The following CDT1 variants were observed in gnomAD, a reference collection of about 807,000 sequenced individuals.
CDT1 encodes the protein DNA replication factor Cdt1.
Under a neutral mutation model 49.3 loss-of-function variants are expected in CDT1, and 66 were observed. The observed-to-expected ratio is 1.34, with a 90% CI of 1.10 to 1.64. The LOEUF is 1.64. Ranked by LOEUF, CDT1 falls within the 40% of genes most tolerant of loss-of-function variation. The pLI is 0.00. For missense variants in CDT1, 958 were observed against 807.7 expected (o/e 1.19, Z -2.26); for synonymous variants, 424 against 347.4 (o/e 1.22, Z -2.45).
chr16:88,804,698 AG>A, intron 2 of CDT1, 31 bp downstream of exon 2: 12 of 1,612,072 alleles, frequency 7.4e-6, no homozygotes, highest in Non-Finnish European at 9.3e-6. Flanking sequence ...CAGATGCGGG[AG>A]GGCTGAGTGG....
chr16:88,804,700 G>A (rs746196662), intron 2 of CDT1, 33 bp downstream of exon 2: 2 of 1,612,328 alleles, frequency 1.2e-6, no homozygotes, highest in South Asian at 1.1e-5. Flanking sequence ...GATGCGGGAG[G>A]GCTGAGTGGT....
Position 88,803,806 on chromosome 16 carries a change from T to A in CDT1, c.-26T>A. On this transcript the variant is annotated 5_prime_UTR_variant, in exon 1 of 10. The change creates a new upstream start codon in the 5' untranslated region. Coordinates refer to ENST00000301019, the MANE Select transcript of CDT1 (RefSeq NM_030928.4). ...GCCTCTTCCTCCCTTCCTTCTTTCC[T>A]TGCTTTCGCCGCGCACTCCGCCGCC... is the stretch of plus-strand genomic sequence containing the variant. The A allele has an allele frequency of 6.7e-7, 1 of 1,499,722 alleles. No individual in the cohort carries two copies. Among genetic ancestry groups the A allele is most frequent in the Admixed American group, 1.8e-5 (1 of 54,454 alleles). 92.9% of individuals were successfully genotyped at this position (1,499,722 alleles called of 1,614,324 possible).
In CDT1 at chr16:88,808,538, G is replaced by A. The variant is rs558937894; in HGVS notation, c.*260G>A. 35 of 543,030 alleles carry A rather than the reference G, an allele frequency of 6.4e-5. No homozygotes were observed. Among genetic ancestry groups the A allele is most frequent in the African/African-American group, 5.5e-4 (29 of 52,700 alleles). The allele number at this position is 543,030 out of a possible 1,614,324, so 33.6% of individuals were successfully genotyped here. On this transcript the variant is annotated 3_prime_UTR_variant, in exon 10 of 10. Transcript: ENST00000301019. ...TCTGTCCTTGCTGCTGGTGGGGAAGGGAAGCCAGATCCAGCACCCCCTGGG... is the reference window on the plus strand; with the variant it reads ...TCTGTCCTTGCTGCTGGTGGGGAAGAGAAGCCAGATCCAGCACCCCCTGGG...
In CDT1 at chr16:88,809,090, C is replaced by T. The variant is rs537035674; in HGVS notation, c.*812C>T. On this transcript the variant is annotated 3_prime_UTR_variant, in exon 10 of 10. Coordinates refer to ENST00000301019, the MANE Select transcript of CDT1 (RefSeq NM_030928.4). ...AGGGCCTTCATGACAGGGCCAGAGC[C>T]AGCCAGCTTTGAAGACGCGGCCCTG... 7 of 242,120 alleles carry T rather than the reference C, an allele frequency of 2.9e-5. No individual in the cohort carries two copies. The highest frequency in any genetic ancestry group is 1.1e-4 in the African/African-American group (5 of 44,056). 15.0% of individuals were successfully genotyped at this position (242,120 alleles called of 1,614,324 possible).
In CDT1 at chr16:88,808,302, C is replaced by A. The variant is rs775620005; in HGVS notation, c.*24C>A. ...GAGCCTGGGGGCCACTGTGGACAGA[C>A]GTGGGCTTCAGAAGCTCGCTGGCCT... On this transcript the variant is annotated 3_prime_UTR_variant, in exon 10 of 10. Coordinates refer to ENST00000301019, the MANE Select transcript of CDT1 (RefSeq NM_030928.4). 1 of 1,562,462 alleles carries A rather than the reference C, an allele frequency of 6.4e-7. No homozygotes were observed. Among genetic ancestry groups the A allele is most frequent in the South Asian group, 1.2e-5 (1 of 86,046 alleles).
chr16:88,808,306 G>T lies in CDT1; in HGVS notation c.*28G>T. 1 of 1,557,808 alleles carries T rather than the reference G, an allele frequency of 6.4e-7. No individual in the cohort carries two copies. On this transcript the variant is annotated 3_prime_UTR_variant, in exon 10 of 10. Coordinates refer to ENST00000301019, the MANE Select transcript of CDT1 (RefSeq NM_030928.4). ...CTGGGGGCCACTGTGGACAGACGTG[G>T]GCTTCAGAAGCTCGCTGGCCTGGGC...
chr16:88,807,334 G>A lies in CDT1; in HGVS notation c.1329G>A (p.Glu443=), dbSNP rs370544770. The change falls in exon 9 of 10, where the codon GAG becomes GAA. Residue 443 remains glutamate (E), a synonymous_variant. Transcript: ENST00000301019. ...TGGCACAGATGACGCGGTGCCCGGA[G>A]CAGGAGCAGCGGCTGCAGCGCTTAG... ...KQLAQMTRCP[E]QEQRLQRLER... The A allele has an allele frequency of 6.2e-7, 1 of 1,612,546 alleles. No homozygotes were observed. The highest frequency in any genetic ancestry group is 1.7e-5 in the Admixed American group (1 of 59,996).
In CDT1 at chr16:88,808,306, GGC is replaced by G. The variant is rs1567503272; in HGVS notation, c.*29_*30del. On this transcript the variant is annotated 3_prime_UTR_variant, in exon 10 of 10. Transcript: ENST00000301019. ...CTGGGGGCCACTGTGGACAGACGTG[GGC>G]TTCAGAAGCTCGCTGGCCTGGGCCC... is the stretch of plus-strand genomic sequence containing the variant. 8.3e-6 allele frequency: 13 copies of G among 1,557,808 alleles called. No individual in the cohort carries two copies. Among genetic ancestry groups the G allele is most frequent in the Non-Finnish European group, 1.1e-5 (13 of 1,150,174 alleles).
Position 88,806,108 on chromosome 16 carries a change from A to G in CDT1, c.920A>G (p.Lys307Arg). The G allele has an allele frequency of 6.3e-7, 1 of 1,598,896 alleles. No homozygotes were observed. The highest frequency in any genetic ancestry group is 8.5e-7 in the Non-Finnish European group (1 of 1,177,254). The stretch of plus-strand genomic sequence containing the variant: ...AGCCAGAAGCTGGTGGAGCATGTCA[A>G]GGAGCACCACAAGGTGAGCGGCCCC... ...IFSQKLVEHV[K>R]EHHKAFLASL... The change falls in exon 6 of 10, where the codon AAG (lysine) becomes AGG (arginine). Residue 307 changes from lysine to arginine, a missense_variant. Lys to Arg is a conservative substitution (Grantham distance 26, BLOSUM62 2). Coordinates refer to ENST00000301019, the MANE Select transcript of CDT1 (RefSeq NM_030928.4).
At position 88,804,859 on chromosome 16, in the gene CDT1, C is replaced by T; in HGVS notation, c.449C>T (p.Ser150Phe). 1 of 1,608,182 alleles carries T rather than the reference C, an allele frequency of 6.2e-7. No homozygotes were observed. The highest frequency in any genetic ancestry group is 1.1e-5 in the South Asian group (1 of 90,588). Residue 150 changes from serine (S) to phenylalanine (F), a missense_variant, in exon 3 of 10, where the codon TCC becomes TTC. Transcript: ENST00000301019. The part of the protein sequence containing the change: ...LKASAQDAGE[S>F]CTPEAEGRPE... ...GCCAGTGCCCAGGATGCTGGGGAGT[C>T]CTGCACCCCAGAGGCCGAGGGCCGC... is the stretch of plus-strand genomic sequence containing the variant.
intron 9 of CDT1, 32 bp from the exon 10 acceptor site, chr16:88,808,083 A>G (rs1350451518): frequency 3.7e-6 from 6 of 1,607,760 alleles, no homozygotes; most frequent in Non-Finnish European, 5.1e-6. Flanking sequence ...GGGGCCCAGC[A>G]CCAGCCTCAG....
At position 88,807,203 on chromosome 16, in the gene CDT1, G is replaced by A. The variant is rs753556386; in HGVS notation, c.1275G>A (p.Arg425=). ...GGGTGTCCCAGGATCTGCTGGAGCG[G>A]GTGAGTCGTCCCCAGTGATGGCGGG... The part of the protein sequence containing the change: ...LKGVSQDLLE[R]IRAKEAQKQL... The change falls in exon 8 of 10, where the codon CGG becomes CGA. Residue 425 remains arginine (R), a splice_region_variant and synonymous_variant. Transcript: ENST00000301019. 1.2e-6 allele frequency: 2 copies of A among 1,612,346 alleles called. No homozygotes were observed. Among genetic ancestry groups the A allele is most frequent in the Non-Finnish European group, 8.5e-7 (1 of 1,179,794 alleles).
chr16:88,804,992 C>T, intron 3 of CDT1, 94 bp downstream of exon 3: 1 of 1,474,542 alleles, frequency 6.8e-7, no homozygotes, highest in Non-Finnish European at 9.0e-7. Context: ...AGGTCTGCTC[C>T]TTCCAGGGAG....
Position 88,808,257 on chromosome 16 carries a change from AC to A in CDT1, c.1621del (p.Arg541ValfsTer45). ...TCACTGCACGCCTGGCCCACCAGAC[AC>A]GTGCTGAGGAGGGGCTGTGAGCCTG... ...HITARLAHQT[R>X]AEEGL is the part of the protein sequence containing the mutation. On this transcript the variant is annotated frameshift_variant, in exon 10 of 10. Transcript: ENST00000301019. LOFTEE classifies it high-confidence loss of function. 8 of 1,597,352 alleles carry A rather than the reference AC, an allele frequency of 5.0e-6. No homozygotes were observed. Among genetic ancestry groups the A allele is most frequent in the Non-Finnish European group, 6.8e-6 (8 of 1,172,586 alleles).
chr16:88,806,997 C>T (rs575796924), intron 7 of CDT1, 54 bp from the exon 8 acceptor site: 16 of 1,609,714 alleles, frequency 9.9e-6, no homozygotes, highest in Non-Finnish European at 1.4e-5. Flanking sequence ...GGGCAGACAG[C>T]CAGGGGCACG....
At chr16:88,806,387 G>C (rs1019074397) in intron 6 of CDT1, 99 bp from the exon 7 acceptor site, 1 of 1,411,358 alleles carries the variant, frequency 7.1e-7, no homozygotes. Context: ...TGACTTGCCC[G>C]AGGCGGCCCG....
chr16:88,806,947 G>A, intron 7 of CDT1, 104 bp from the exon 8 acceptor site: 1 of 1,441,352 alleles, frequency 6.9e-7, no homozygotes, highest in South Asian at 1.1e-5. Flanking sequence ...CACCCAGTGT[G>A]CTGGGTGAAC....
chr16:88,809,236 TAA>T lies in CDT1; in HGVS notation c.*960_*961del, dbSNP rs1395742309. 1 of 355,654 alleles carries T rather than the reference TAA, an allele frequency of 2.8e-6. No individual in the cohort carries two copies. The highest frequency in any genetic ancestry group is 2.1e-5 in the African/African-American group (1 of 46,722). The allele number at this position is 355,654 out of a possible 1,614,324, so 22.0% of individuals were successfully genotyped here. On this transcript the variant is annotated 3_prime_UTR_variant, in exon 10 of 10. Transcript: ENST00000301019. ...GTATTTCTGACCTCCTAAACTCTAA[TAA>T]AGTCATGCTTACAGCCACTAGATCT...
chr16:88,806,085 C>G lies in CDT1; in HGVS notation c.897C>G (p.Ser299Arg). Residue 299 changes from serine to arginine, a missense_variant, in exon 6 of 10, where the codon AGC (serine) becomes AGG (arginine). Coordinates refer to ENST00000301019, the MANE Select transcript of CDT1 (RefSeq NM_030928.4). The part of the protein sequence containing the change: ...SRLLQRRQIF[S>R]QKLVEHVKEH... ...TCCTGCAGCGACGGCAGATCTTCAG[C>G]CAGAAGCTGGTGGAGCATGTCAAGG... 6.2e-7 allele frequency: 1 copy of G among 1,601,908 alleles called. No individual in the cohort carries two copies. The highest frequency in any genetic ancestry group is 8.5e-7 in the Non-Finnish European group (1 of 1,177,868).
Sources: allele counts gnomAD v4.1 joint callset, GRCh38; gene constraint gnomAD v4.1.1; transcripts MANE v1.5; gene names NCBI Gene and HGNC (gene_info 2026-07-23, HGNC 2026-07-21).